Variants in LAMA4 observed in about 807,000 individuals in gnomAD.
The protein encoded by LAMA4 is laminin subunit alpha-4.
Under a neutral mutation model 207.1 loss-of-function variants are expected in LAMA4, and 127 were observed. That is an observed-to-expected ratio of 0.61 (90% CI 0.53 to 0.71). The LOEUF (loss-of-function observed/expected upper bound fraction) is 0.71, where lower values mean the gene tolerates loss of function less well. LAMA4 is among the 30% of genes least tolerant of loss of function. LAMA4 has a pLI of 0.00. For missense variants in LAMA4, 2,093 were observed against 2,246.5 expected (o/e 0.93, Z 1.38); for synonymous variants, 761 against 816.0 (o/e 0.93, Z 1.15).
chr6:112,113,930 A>G (rs1397608648), intron 38 of LAMA4, 146 bp downstream of exon 38: 4 of 885,326 alleles, frequency 4.5e-6, no homozygotes, highest in East Asian at 2.5e-5. Flanking sequence ...TCACTTTATT[A>G]TGCCTTTTCC....
chr6:112,120,615 T>C (rs1554325909), intron 32 of LAMA4, 143 bp from the exon 33 acceptor site: 3 of 680,828 alleles, frequency 4.4e-6, no homozygotes, highest in Non-Finnish European at 7.6e-6. Context: ...ACACTTAGTA[T>C]TATTAATGAA....
rs555350190 is a variant in LAMA4, at chr6:112,158,605, A to G, written c.1817+127T>C. On this transcript the variant is annotated intron_variant, in intron 14 of 38. Transcript: ENST00000230538. ...CCAACCAACCAACCAACATATCAAC[A>G]CATAAGCATACCCAACCTTAATCAA... 5 of 957,518 alleles carry G rather than the reference A, an allele frequency of 5.2e-6. No homozygotes were observed. The African/African-American group carries it at 8.1e-5, about 15-fold the overall frequency. 59.3% of individuals were successfully genotyped at this position (957,518 alleles called of 1,614,324 possible). A position where few individuals can be genotyped will look rare whatever the true frequency, so the allele number is the denominator to read the frequency against.
Position 112,141,346 on chromosome 6 carries a change from G to A in LAMA4, c.2813+12C>T. 1 of 1,613,668 alleles carries A rather than the reference G, an allele frequency of 6.2e-7. No individual in the cohort carries two copies. Among genetic ancestry groups the A allele is most frequent in the Non-Finnish European group, 8.5e-7 (1 of 1,179,604 alleles). Reference sequence around the variant, plus strand: ...ATGTGCATATATGCCCTGTGTCATGGATTCACTGTACCTTTCAATCTTGAC... The same window carrying A: ...ATGTGCATATATGCCCTGTGTCATGAATTCACTGTACCTTTCAATCTTGAC... On this transcript the variant is annotated intron_variant, in intron 21 of 38. Transcript: ENST00000230538.
At chr6:112,119,551 T>C (rs1778224417) in intron 33 of LAMA4, among the ~76,000 whole-genome samples, 1 of 152,236 alleles carries the variant, frequency 6.6e-6, no homozygotes, top group Admixed American at 6.5e-5. Flanking sequence ...TGTTTTGTTA[T>C]ACAGCATATG....
rs1779697412 is a variant in LAMA4 at position 112,141,571 on chromosome 6, G to C, written c.2668-68C>G. 6.4e-6 allele frequency: 8 copies of C among 1,258,510 alleles called. No individual in the cohort carries two copies. The Admixed American group carries it at 1.4e-4, about 22-fold the overall frequency. The allele number at this position is 1,258,510 out of a possible 1,614,324, so 78.0% of individuals were successfully genotyped here. A position where few individuals can be genotyped will look rare whatever the true frequency, so the allele number is the denominator to read the frequency against. On this transcript the variant is annotated intron_variant, in intron 20 of 38. Coordinates refer to ENST00000230538, the MANE Select transcript of LAMA4 (RefSeq NM_001105206.3). ...AAGAATGAACATCATCTTTTTTAAA[G>C]GACAATCAGAAATCCAAATATTTGG...
intron 22 of LAMA4, among the ~76,000 whole-genome samples, chr6:112,140,157 G>A (rs1262654836): frequency 3.3e-5 from 5 of 152,112 alleles, no homozygotes; most frequent in East Asian, 1.9e-4. Context: ...CAGTCCTTGC[G>A]CCAGCTTTGT....
intron 4 of LAMA4, among the ~76,000 whole-genome samples, chr6:112,204,899 C>T (rs373640516): frequency 6.6e-5 from 10 of 152,256 alleles, no homozygotes; most frequent in Non-Finnish European, 8.8e-5. Flanking sequence ...GACTGAAACT[C>T]GTCTGACTAC....
intron 18 of LAMA4, 25 bp from the exon 19 acceptor site, chr6:112,144,958 T>G: frequency 6.3e-7 from 1 of 1,587,428 alleles, no homozygotes; most frequent in South Asian, 1.1e-5. Flanking sequence ...AATTAATCAT[T>G]TAAGAAAATA....
intron 38 of LAMA4, among the ~76,000 whole-genome samples, chr6:112,112,236 T>C (rs1302338829): frequency 3.3e-5 from 5 of 152,024 alleles, no homozygotes; most frequent in African/African-American, 1.2e-4. Flanking sequence ...TGGGGAGGAA[T>C]AGGAGAAGTT....
chr6:112,238,922 G>A (rs1181387100), intron 2 of LAMA4, among the ~76,000 whole-genome samples: 2 of 152,184 alleles, frequency 1.3e-5, no homozygotes, highest in African/African-American at 2.4e-5. Context: ...CTTCGTAGGT[G>A]TGATGAACTG....
rs564310531 is a variant in LAMA4 at position 112,210,872 on chromosome 6, T to C, written c.298-3727A>G. Among the ~76,000 whole-genome samples the C allele has an allele frequency of 7.2e-5, 11 of 152,318 alleles. No homozygotes were observed. The South Asian group carries it at 1.9e-3, about 26-fold the overall frequency. On this transcript the variant is annotated intron_variant, in intron 3 of 38. Coordinates refer to ENST00000230538, the MANE Select transcript of LAMA4 (RefSeq NM_001105206.3). ...ATATTGTCTTAACATGGAATTGGTA[T>C]ATTATTGCTATTTTCAAATGAATTT... is the stretch of plus-strand genomic sequence containing the variant.
intron 2 of LAMA4, among the ~76,000 whole-genome samples, chr6:112,229,548 A>C (rs1301756160): frequency 6.6e-6 from 1 of 152,226 alleles, no homozygotes; most frequent in Non-Finnish European, 1.5e-5. Flanking sequence ...TTTAGTGGTG[A>C]CAACAAAATT....
At chr6:112,187,016 G>A in intron 8 of LAMA4, 1 of 401,532 alleles carries the variant, frequency 2.5e-6, no homozygotes, top group Non-Finnish European at 4.8e-6. Flanking sequence ...GTGGTGGGGT[G>A]AGGAGAGACA....
At chr6:112,177,791 A>T (rs1399702095) in intron 10 of LAMA4, among the ~76,000 whole-genome samples, 2 of 152,210 alleles carry the variant, frequency 1.3e-5, no homozygotes, top group Non-Finnish European at 2.9e-5. Flanking sequence ...AACTGAGAAA[A>T]ATCTGTGACT....
rs1376465897 is a variant in LAMA4, at chr6:112,109,382, T to C, written c.*55A>G. 5.6e-6 allele frequency: 9 copies of C among 1,605,176 alleles called. No individual in the cohort carries two copies. The highest frequency in any genetic ancestry group is 6.0e-6 in the Non-Finnish European group (7 of 1,174,204). On this transcript the variant is annotated 3_prime_UTR_variant, in exon 39 of 39. Transcript: ENST00000230538. ...TTACTGTTCCTCCTGGCTGGCTTTG[T>C]GTTTCTTTCAGTGCTCTAAAGAACT...
intron 2 of LAMA4, among the ~76,000 whole-genome samples, chr6:112,220,776 T>C (rs1554360356): frequency 1.3e-5 from 2 of 152,204 alleles, no homozygotes; most frequent in Admixed American, 1.3e-4. Flanking sequence ...TAAATCACTT[T>C]CTTTTGAAGG....
At chr6:112,200,937 C>T (rs564197019) in intron 5 of LAMA4, among the ~76,000 whole-genome samples, 7 of 151,386 alleles carry the variant, frequency 4.6e-5, no homozygotes, top group South Asian at 2.1e-4. Flanking sequence ...ATGTGGATGA[C>T]GGGTTGATGG....
At chr6:112,196,712 C>T (rs1554350593) in intron 5 of LAMA4, among the ~76,000 whole-genome samples, 2 of 152,120 alleles carry the variant, frequency 1.3e-5, no homozygotes, top group African/African-American at 4.8e-5. Context: ...TTCCATTTTC[C>T]TGGAATGGGG....
chr6:112,173,832 G>A (rs1205920273), intron 11 of LAMA4, among the ~76,000 whole-genome samples: 1 of 152,136 alleles, frequency 6.6e-6, no homozygotes, highest in Non-Finnish European at 1.5e-5. Flanking sequence ...TAGTCCCTTT[G>A]TAATCTAATG....
Sources: gnomAD v4.1 joint callset for allele counts (sites outside exome capture counted in the v4.1 genomes callset) on GRCh38, gnomAD v4.1.1 for gene constraint, MANE v1.5 for transcripts, NCBI Gene and HGNC (gene_info 2026-07-23, HGNC 2026-07-21) for gene names.